Variants in CADPS2 observed in about 807,000 individuals in gnomAD.
CADPS2 encodes calcium dependent secretion activator 2.
CADPS2 carries 93 observed loss-of-function variants against 172.5 expected under a neutral mutation model. The observed-to-expected ratio is 0.54, with a 90% CI of 0.46 to 0.64. The LOEUF is 0.64. Ranked by LOEUF, CADPS2 falls within the 30% of genes least tolerant of loss-of-function variation. The pLI is 0.00. For missense variants in CADPS2, 1,420 were observed against 1,565.9 expected (o/e 0.91, Z 1.57); for synonymous variants, 546 against 555.2 (o/e 0.98, Z 0.23).
intron 23 of CADPS2, 146 bp from the exon 24 acceptor site, chr7:122,387,319 G>GT: frequency 1.4e-6 from 1 of 724,102 alleles, no homozygotes; most frequent in East Asian, 2.8e-5. Flanking sequence ...GAGCTAAGGG[G>GT]TGGGATGCTT....
At chr7:122,563,819 C>A (rs929368656) in intron 7 of CADPS2, among the ~76,000 whole-genome samples, 1 of 152,132 alleles carries the variant, frequency 6.6e-6, no homozygotes, top group Admixed American at 6.6e-5. Context: ...CTAGCTAATT[C>A]ATGGACTACT....
At chr7:122,841,460 C>T (rs920451380) in intron 1 of CADPS2, among the ~76,000 whole-genome samples, 1 of 152,114 alleles carries the variant, frequency 6.6e-6, no homozygotes, top group Non-Finnish European at 1.5e-5. Flanking sequence ...TTAGGGATCA[C>T]CATAGGATAC....
rs542734837 is a variant in CADPS2 at position 122,348,931 on chromosome 7, T to C, written c.3505-3250A>G. On this transcript the variant is annotated intron_variant, in intron 27 of 29. Transcript: ENST00000449022. ...TTTGGATAGAAGACATTATCGCTGGTTCAATGCTCCCATGTGCTAAGACTC... is the reference window on the plus strand; with the variant it reads ...TTTGGATAGAAGACATTATCGCTGGCTCAATGCTCCCATGTGCTAAGACTC... Among the ~76,000 whole-genome samples, 26 of 152,276 alleles carry C rather than the reference T, an allele frequency of 1.7e-4. No individual in the cohort carries two copies. In the South Asian group the frequency reaches 5.4e-3, roughly 32 times the overall value.
chr7:122,708,623 T>C (rs35825527), intron 2 of CADPS2, among the ~76,000 whole-genome samples: 16,009 of 147,680 alleles, frequency 0.11, 974 homozygotes, highest in South Asian at 0.18. Context: ...CATACCTTAA[T>C]ACAAAGATAA....
chr7:122,699,973 C>A (rs377589504), intron 2 of CADPS2, among the ~76,000 whole-genome samples: 3 of 152,258 alleles, frequency 2.0e-5, no homozygotes, highest in African/African-American at 7.2e-5. Flanking sequence ...CAGAACTTAA[C>A]AAATATCCCT....
chr7:122,644,518 A>T (rs1034359990), intron 3 of CADPS2, among the ~76,000 whole-genome samples: 32 of 152,158 alleles, frequency 2.1e-4, no homozygotes, highest in African/African-American at 7.5e-4. Flanking sequence ...AATGATAGAA[A>T]TAACACAAAT....
At chr7:122,568,769 G>A (rs1324591634) in intron 7 of CADPS2, among the ~76,000 whole-genome samples, 1 of 151,984 alleles carries the variant, frequency 6.6e-6, no homozygotes, top group Non-Finnish European at 1.5e-5. Context: ...TCCAACTTTG[G>A]GTTTGGTGAA....
chr7:122,790,397 TA>T (rs71531917), intron 1 of CADPS2, among the ~76,000 whole-genome samples: 26,430 of 117,054 alleles, frequency 0.23, 2,489 homozygotes, highest in Middle Eastern at 0.32. Flanking sequence ...ACAGCGTTTC[TA>T]AAAAAAAAAA....
At chr7:122,799,451 A>G (rs912499858) in intron 1 of CADPS2, among the ~76,000 whole-genome samples, 1 of 151,556 alleles carries the variant, frequency 6.6e-6, no homozygotes, top group African/African-American at 2.4e-5. Flanking sequence ...TACAAAAACA[A>G]AATTAGCCGG....
chr7:122,526,262 G>A (rs2061226311), intron 8 of CADPS2, among the ~76,000 whole-genome samples: 1 of 151,964 alleles, frequency 6.6e-6, no homozygotes, highest in Admixed American at 6.6e-5. Flanking sequence ...CATAATCTCG[G>A]CTCACTGCAA....
chr7:122,486,154 C>T (rs1290752419), intron 11 of CADPS2, among the ~76,000 whole-genome samples: 1 of 151,992 alleles, frequency 6.6e-6, no homozygotes, highest in Non-Finnish European at 1.5e-5. Context: ...TTCTGCAGCC[C>T]ACAGATCAAG....
intron 1 of CADPS2, among the ~76,000 whole-genome samples, chr7:122,816,654 T>C (rs1022062001): frequency 3.9e-5 from 6 of 152,258 alleles, no homozygotes; most frequent in Non-Finnish European, 7.3e-5. Context: ...TCAGTTACAC[T>C]GTAGGAAGAG....
At chr7:122,345,735 AATT>A (rs902990808) in intron 27 of CADPS2, 54 bp from the exon 28 acceptor site, 21 of 1,120,266 alleles carry the variant, frequency 1.9e-5, no homozygotes, top group Non-Finnish European at 2.7e-5. Context: ...TCAATTGTGA[AATT>A]ATTATTTAAT....
intron 3 of CADPS2, among the ~76,000 whole-genome samples, chr7:122,658,201 C>T (rs1035363797): frequency 6.6e-6 from 1 of 152,166 alleles, no homozygotes; most frequent in Non-Finnish European, 1.5e-5. Context: ...TACCATCTCA[C>T]ACCAGTTAGA....
At chr7:122,621,086 G>C (rs916858459) in intron 5 of CADPS2, among the ~76,000 whole-genome samples, 2 of 150,880 alleles carry the variant, frequency 1.3e-5, no homozygotes, top group African/African-American at 4.9e-5. Context: ...TTTTTTTTTA[G>C]AAACAGGGTC....
chr7:122,749,979 AAAAG>A (rs1228594463), intron 1 of CADPS2, among the ~76,000 whole-genome samples: 65 of 152,016 alleles, frequency 4.3e-4, no homozygotes, highest in Admixed American at 7.2e-4. Context: ...AAAAAAAAGA[AAAAG>A]AGAGAGTATG....
At chr7:122,684,271 T>C (rs1432226657) in intron 2 of CADPS2, among the ~76,000 whole-genome samples, 1 of 152,154 alleles carries the variant, frequency 6.6e-6, no homozygotes, top group Non-Finnish European at 1.5e-5. Flanking sequence ...CTATCAACTA[T>C]GTTAAGTGAG....
At chr7:122,490,419 A>G in intron 10 of CADPS2, 138 bp from the exon 11 acceptor site, 1 of 654,798 alleles carries the variant, frequency 1.5e-6, no homozygotes, top group Non-Finnish European at 2.6e-6. Context: ...AGTTTAAAGG[A>G]TCAAATCCAC....
At chr7:122,722,284 T>C (rs935958280) in intron 2 of CADPS2, among the ~76,000 whole-genome samples, 25 of 152,040 alleles carry the variant, frequency 1.6e-4, no homozygotes, top group African/African-American at 5.1e-4. Context: ...ATTGTATATC[T>C]AGAAAACCCC....
Sources: gnomAD v4.1 joint callset for allele counts (sites outside exome capture counted in the v4.1 genomes callset) on GRCh38, gnomAD v4.1.1 for gene constraint, MANE v1.5 for transcripts, NCBI Gene and HGNC (gene_info 2026-07-23, HGNC 2026-07-21) for gene names.